Variants in SORCS3 observed in about 807,000 individuals in gnomAD.
The protein encoded by SORCS3 is sortilin related VPS10 domain containing receptor 3.
A neutral mutation model predicts 146.3 loss-of-function variants in SORCS3; 57 were observed. That is an observed-to-expected ratio of 0.39 (90% CI 0.31 to 0.49). The LOEUF is 0.49. SORCS3 is among the 20% of genes least tolerant of loss of function. SORCS3 has a pLI of 0.92. For missense variants in SORCS3, 1,341 were observed against 1,575.5 expected (o/e 0.85, Z 2.52); for synonymous variants, 653 against 618.5 (o/e 1.06, Z -0.83).
At chr10:104,845,102 C>T (rs1013447216) in intron 2 of SORCS3, among the ~76,000 whole-genome samples, 1 of 152,172 alleles carries the variant, frequency 6.6e-6, no homozygotes, top group Non-Finnish European at 1.5e-5. Flanking sequence ...GCCTAGTGCT[C>T]CCAGGTGACA....
intron 1 of SORCS3, among the ~76,000 whole-genome samples, chr10:104,738,211 G>T (rs2016799363): frequency 6.6e-6 from 1 of 152,282 alleles, no homozygotes; most frequent in Admixed American, 6.5e-5. Context: ...GACCGGCTTT[G>T]TTCTTTTGGC....
At chr10:104,930,903 A>G (rs2019199847) in intron 3 of SORCS3, among the ~76,000 whole-genome samples, 1 of 152,152 alleles carries the variant, frequency 6.6e-6, no homozygotes, top group Admixed American at 6.6e-5. Flanking sequence ...CTTTGCAAAT[A>G]CTTAGTGAGT....
chr10:104,678,198 G>C (rs922601567), intron 1 of SORCS3, among the ~76,000 whole-genome samples: 1 of 132,740 alleles, frequency 7.5e-6, no homozygotes, highest in Non-Finnish European at 1.7e-5. Context: ...ACATCTTTAG[G>C]CTTTAGTAAT....
intron 2 of SORCS3, among the ~76,000 whole-genome samples, chr10:104,846,670 A>G (rs2451471): frequency 0.85 from 128,654 of 152,236 alleles, 54,867 homozygotes; most frequent in East Asian, 0.98. Flanking sequence ...CATTCTTTCC[A>G]GAATACCTTG....
intron 5 of SORCS3, among the ~76,000 whole-genome samples, chr10:105,085,705 A>T (rs1023905137): frequency 6.6e-6 from 1 of 152,176 alleles, no homozygotes; most frequent in African/African-American, 2.4e-5. Context: ...CCTGAGATGG[A>T]ACTAAGAAAT....
chr10:105,141,978 T>C (rs377597163), intron 8 of SORCS3, among the ~76,000 whole-genome samples: 5 of 152,180 alleles, frequency 3.3e-5, no homozygotes, highest in African/African-American at 1.2e-4. Context: ...GTTCGACAAA[T>C]CTAAGGAATG....
At chr10:105,227,572 T>C (rs1022606596) in intron 20 of SORCS3, among the ~76,000 whole-genome samples, 1 of 152,196 alleles carries the variant, frequency 6.6e-6, no homozygotes, top group Middle Eastern at 3.4e-3. Context: ...TTTGGTCTAA[T>C]GTGCAGTTTA....
chr10:105,084,293 C>T (rs1291444759), intron 5 of SORCS3, among the ~76,000 whole-genome samples: 1 of 151,992 alleles, frequency 6.6e-6, no homozygotes, highest in Non-Finnish European at 1.5e-5. Flanking sequence ...TTATAAACAC[C>T]AAACACAATG....
At chr10:104,945,338 A>G (rs1459277239) in intron 3 of SORCS3, among the ~76,000 whole-genome samples, 1 of 151,782 alleles carries the variant, frequency 6.6e-6, no homozygotes, top group Non-Finnish European at 1.5e-5. Flanking sequence ...GCTCACTGCA[A>G]CCTCCACCTC....
intron 7 of SORCS3, among the ~76,000 whole-genome samples, chr10:105,126,293 G>A (rs1017613423): frequency 2.0e-5 from 3 of 151,986 alleles, no homozygotes; most frequent in African/African-American, 7.3e-5. Context: ...ACCTCTCCTG[G>A]TACCAACAAC....
At chr10:105,167,177 A>T (rs531392846) in intron 12 of SORCS3, 81 bp from the exon 13 acceptor site, 1 of 1,100,292 alleles carries the variant, frequency 9.1e-7, no homozygotes, top group Non-Finnish European at 1.3e-6. Context: ...GAAACAATAT[A>T]TGTGAAAGAC....
intron 1 of SORCS3, among the ~76,000 whole-genome samples, chr10:104,771,098 G>A (rs1385284311): frequency 6.6e-6 from 1 of 152,168 alleles, no homozygotes; most frequent in Non-Finnish European, 1.5e-5. Context: ...ATGTTGGACA[G>A]TGTAGGTCTA....
intron 1 of SORCS3, among the ~76,000 whole-genome samples, chr10:104,657,851 A>G (rs147877074): frequency 3.5e-4 from 53 of 152,326 alleles, no homozygotes; most frequent in Middle Eastern, 6.8e-3. Flanking sequence ...TTTAAAATAT[A>G]TTAGTTCCGA....
At chr10:105,094,576 A>G (rs1889013) in intron 6 of SORCS3, among the ~76,000 whole-genome samples, 16,219 of 152,184 alleles carry the variant, frequency 0.11, 976 homozygotes, top group East Asian at 0.17. Flanking sequence ...CTTACCATCA[A>G]GGAGCTTCTA....
At chr10:105,235,436 CTGTGTGTGTGTGTGTG>C (rs5787570) in intron 20 of SORCS3, among the ~76,000 whole-genome samples, 3 of 141,234 alleles carry the variant, frequency 2.1e-5, no homozygotes, top group South Asian at 2.3e-4. Flanking sequence ...AACTCTCAGA[CTGTGTGTGTGTGTGTG>C]TGTGTGTGTG....
At chr10:104,976,851 T>G (rs1056983291) in intron 3 of SORCS3, among the ~76,000 whole-genome samples, 7 of 152,034 alleles carry the variant, frequency 4.6e-5, no homozygotes, top group Non-Finnish European at 1.0e-4. Context: ...TAGGTGGGAA[T>G]TGAACAATGA....
At chr10:104,878,616 G>A (rs2018600005) in intron 2 of SORCS3, among the ~76,000 whole-genome samples, 1 of 152,096 alleles carries the variant, frequency 6.6e-6, no homozygotes, top group African/African-American at 2.4e-5. Context: ...TAAGGGTTAG[G>A]TATTTTATAT....
At chr10:105,115,630 T>C (rs1032808086) in intron 7 of SORCS3, among the ~76,000 whole-genome samples, 7 of 152,162 alleles carry the variant, frequency 4.6e-5, no homozygotes, top group Admixed American at 1.3e-4. Flanking sequence ...AAGACTGTTT[T>C]TGCATCTTGG....
intron 1 of SORCS3, among the ~76,000 whole-genome samples, chr10:104,837,722 G>A (rs991360147): frequency 2.0e-5 from 3 of 152,198 alleles, no homozygotes; most frequent in Non-Finnish European, 2.9e-5. Context: ...GCAGAGTTTA[G>A]CAGGTGTATT....
Sources: gnomAD v4.1 joint callset for allele counts (sites outside exome capture counted in the v4.1 genomes callset) on GRCh38, gnomAD v4.1.1 for gene constraint, MANE v1.5 for transcripts, NCBI Gene and HGNC (gene_info 2026-07-23, HGNC 2026-07-21) for gene names.